The following ADAMTS17 variants were observed in gnomAD, a reference collection of about 807,000 sequenced individuals.
ADAMTS17 encodes the protein ADAM metallopeptidase with thrombospondin type 1 motif 17.
Under a neutral mutation model 141.5 loss-of-function variants are expected in ADAMTS17, and 113 were observed. The ratio of observed to expected loss-of-function variants is 0.80; its 90% confidence interval spans 0.69 to 0.93. The LOEUF (loss-of-function observed/expected upper bound fraction) is 0.93. Ranked by LOEUF, ADAMTS17 falls within the 40% of genes least tolerant of loss-of-function variation. ADAMTS17 has a pLI of 0.00. For synonymous variants in ADAMTS17, 768 were observed against 630.6 expected, an observed-to-expected ratio of 1.22 and a Z score of -3.27; for missense variants, 1,659 against 1,517.9, an observed-to-expected ratio of 1.09 and a Z score of -1.54.
At chr15:99,975,074 G>A (rs2060293179) in intron 21 of ADAMTS17, among the ~76,000 whole-genome samples, 1 of 152,156 alleles carries the variant, frequency 6.6e-6, no homozygotes, top group African/African-American at 2.4e-5. Flanking sequence ...CTATACTTCT[G>A]CCAGCTCAAA....
intron 4 of ADAMTS17, among the ~76,000 whole-genome samples, chr15:100,262,636 G>C (rs1380062624): frequency 6.6e-6 from 1 of 151,946 alleles, no homozygotes; most frequent in East Asian, 1.9e-4. Flanking sequence ...AATATGAGAG[G>C]CTCATGATGG....
At chr15:100,063,694 C>T (rs746090583) in intron 15 of ADAMTS17, 1 of 1,289,904 alleles carries the variant, frequency 7.8e-7, no homozygotes, top group Non-Finnish European at 1.0e-6. Context: ...AAGCTGTGGG[C>T]AGGTTTATCC....
intron 14 of ADAMTS17, among the ~76,000 whole-genome samples, chr15:100,105,710 T>TG (rs1268254813): frequency 6.6e-6 from 1 of 152,070 alleles, no homozygotes; most frequent in African/African-American, 2.4e-5. Context: ...TTTTTTGAGA[T>TG]GGAGTCTTAC....
chr15:100,209,135 G>GAAGAAAGA (rs2041700350), intron 7 of ADAMTS17, among the ~76,000 whole-genome samples: 1 of 114,022 alleles, frequency 8.8e-6, no homozygotes, highest in Non-Finnish European at 1.9e-5. Context: ...AAAAAAAAAG[G>GAAGAAAGA]AAGAAAGAAA....
chr15:99,986,786 C>T (rs1596160076), intron 20 of ADAMTS17, among the ~76,000 whole-genome samples: 1 of 152,162 alleles, frequency 6.6e-6, no homozygotes, highest in African/African-American at 2.4e-5. Context: ...ATTTTAAGGG[C>T]CCGCCACCCC....
chr15:100,315,313 C>T (rs1342041858), intron 3 of ADAMTS17, among the ~76,000 whole-genome samples: 3 of 152,122 alleles, frequency 2.0e-5, no homozygotes, highest in Admixed American at 6.5e-5. Flanking sequence ...CTTTTCTCTC[C>T]CCCCACCCTT....
chr15:100,072,009 A>G (rs1175245255), intron 15 of ADAMTS17, among the ~76,000 whole-genome samples: 1 of 150,144 alleles, frequency 6.7e-6, no homozygotes, highest in African/African-American at 2.5e-5. Context: ...AGAAAACCCC[A>G]CCATCTCAGC....
At chr15:100,106,321 A>T (rs1452909158) in intron 14 of ADAMTS17, among the ~76,000 whole-genome samples, 2 of 152,212 alleles carry the variant, frequency 1.3e-5, no homozygotes, top group African/African-American at 4.8e-5. Context: ...TACCCAGTCT[A>T]GGGTATTCGT....
At chr15:100,271,292 G>A (rs2043901828) in intron 4 of ADAMTS17, among the ~76,000 whole-genome samples, 1 of 152,014 alleles carries the variant, frequency 6.6e-6, no homozygotes, top group South Asian at 2.1e-4. Flanking sequence ...TAGATCATAT[G>A]GTAATTCTGT....
At chr15:100,161,164 T>TA (rs1266410517) in intron 8 of ADAMTS17, among the ~76,000 whole-genome samples, 6 of 152,294 alleles carry the variant, frequency 3.9e-5, no homozygotes, top group African/African-American at 1.4e-4. Context: ...TGCTGCTCTG[T>TA]ATTTGTTTTG....
At chr15:100,300,933 A>G (rs2045010035) in intron 3 of ADAMTS17, among the ~76,000 whole-genome samples, 1 of 152,224 alleles carries the variant, frequency 6.6e-6, no homozygotes, top group Non-Finnish European at 1.5e-5. Context: ...TGGAGCACTC[A>G]CTATTTGTCA....
intron 20 of ADAMTS17, among the ~76,000 whole-genome samples, chr15:99,983,906 C>G (rs1416130196): frequency 2.6e-5 from 4 of 152,154 alleles, no homozygotes; most frequent in Admixed American, 2.6e-4. Flanking sequence ...CAAAGCTCTT[C>G]AAAAGCATTT....
chr15:100,246,713 C>CT lies in ADAMTS17; in HGVS notation c.1075+7422dup, dbSNP rs565514396. On this transcript the variant is annotated intron_variant, in intron 7 of 21. Transcript: ENST00000268070. ...TCGTAGGCAATGTCTGGAGACTACA[C>CT]TTTTTTTTTATTGTATTTTATCCAT... 6.2e-3 allele frequency among the ~76,000 whole-genome samples: 938 copies of CT among 151,212 alleles called. 5 individuals carry two copies. The highest frequency in any genetic ancestry group is 0.023 in the South Asian group (111 of 4,784).
chr15:100,140,827 C>T (rs898710260), intron 10 of ADAMTS17, among the ~76,000 whole-genome samples: 4 of 152,124 alleles, frequency 2.6e-5, no homozygotes, highest in African/African-American at 9.7e-5. Flanking sequence ...CTCTCATCTG[C>T]AGTGAGATGG....
intron 8 of ADAMTS17, among the ~76,000 whole-genome samples, chr15:100,158,563 C>T (rs1309813373): frequency 2.6e-5 from 4 of 152,112 alleles, no homozygotes; most frequent in South Asian, 2.1e-4. Flanking sequence ...CACTGAAACT[C>T]GATGCTTACT....
At chr15:100,076,336 C>A (rs199608284) in intron 15 of ADAMTS17, among the ~76,000 whole-genome samples, 2 of 152,188 alleles carry the variant, frequency 1.3e-5, no homozygotes, top group African/African-American at 4.8e-5. Flanking sequence ...AGCCATTGTG[C>A]CTGGCCTATG....
chr15:100,303,493 G>C (rs1487757860), intron 3 of ADAMTS17, among the ~76,000 whole-genome samples: 1 of 151,494 alleles, frequency 6.6e-6, no homozygotes, highest in Non-Finnish European at 1.5e-5. Flanking sequence ...ATTTTCTTTG[G>C]TTGCTTGTGC....
chr15:100,327,429 G>A (rs946019994), intron 3 of ADAMTS17, among the ~76,000 whole-genome samples: 4 of 152,146 alleles, frequency 2.6e-5, no homozygotes, highest in Admixed American at 1.3e-4. Flanking sequence ...GCATAATCAC[G>A]TTCCAGTGAG....
chr15:100,259,117 T>C (rs1346377387), intron 6 of ADAMTS17, among the ~76,000 whole-genome samples: 3 of 152,234 alleles, frequency 2.0e-5, no homozygotes, highest in Admixed American at 2.0e-4. Flanking sequence ...TTCCACAGTA[T>C]TTATGAAAAC....
Sources: gnomAD v4.1 joint callset for allele counts (sites outside exome capture counted in the v4.1 genomes callset) on GRCh38, gnomAD v4.1.1 for gene constraint, MANE v1.5 for transcripts, NCBI Gene and HGNC (gene_info 2026-07-23, HGNC 2026-07-21) for gene names.